Variants in THRB observed in about 807,000 individuals in gnomAD.
The protein encoded by THRB is nuclear receptor subfamily 1 group A member 2.
Under a neutral mutation model 47.8 loss-of-function variants are expected in THRB, and 12 were observed. That is an observed-to-expected ratio of 0.25 (90% CI 0.16 to 0.41). The LOEUF is 0.41. Ranked by LOEUF, THRB falls within the 10% of genes least tolerant of loss-of-function variation. The pLI is 1.00. For synonymous variants in THRB, 218 were observed against 212.2 expected, an observed-to-expected ratio of 1.03 and a Z score of -0.24; for missense variants, 348 against 589.2, an observed-to-expected ratio of 0.59 and a Z score of 4.24.
chr3:24,163,450 A>G (rs1559488886), intron 5 of THRB, among the ~76,000 whole-genome samples: 3 of 152,168 alleles, frequency 2.0e-5, no homozygotes, highest in Admixed American at 6.5e-5. Flanking sequence ...TGAAAAGATA[A>G]AAGAGAAAAG....
chr3:24,281,824 A>G (rs1261479882), intron 3 of THRB, among the ~76,000 whole-genome samples: 1 of 151,380 alleles, frequency 6.6e-6, no homozygotes, highest in African/African-American at 2.4e-5. Context: ...AACAAAGATC[A>G]AAAGAGACAA....
intron 1 of THRB, among the ~76,000 whole-genome samples, chr3:24,381,994 C>T (rs559765750): frequency 1.3e-5 from 2 of 150,786 alleles, no homozygotes; most frequent in African/African-American, 4.9e-5. Flanking sequence ...GGAAAGAATA[C>T]AAGGAAAGGA....
rs143110605 is a variant in THRB at position 24,192,635 on chromosome 3, G to C, written c.23-2301C>G. On this transcript the variant is annotated intron_variant, in intron 4 of 10. Transcript: ENST00000646209. Reference sequence around the variant, plus strand: ...GATGCTAACAGGGGCTCCACTCCAAGAGGACATTGCCCCTTAAAGTGCAGC... The same window carrying C: ...GATGCTAACAGGGGCTCCACTCCAACAGGACATTGCCCCTTAAAGTGCAGC... Among the ~76,000 whole-genome samples the C allele has an allele frequency of 5.0e-3, 763 of 152,258 alleles. 3 individuals carry two copies. The highest frequency in any genetic ancestry group is 0.011 in the Admixed American group (165 of 15,288).
chr3:24,481,257 T>TTTTTAGG (rs1696366030), intron 1 of THRB, among the ~76,000 whole-genome samples: 1 of 131,614 alleles, frequency 7.6e-6, no homozygotes, highest in Non-Finnish European at 1.6e-5. Flanking sequence ...TTTTTTTTTT[T>TTTTTAGG]ACGGAAAAAG....
chr3:24,334,774 G>A (rs983881276), intron 2 of THRB, among the ~76,000 whole-genome samples: 4 of 152,100 alleles, frequency 2.6e-5, no homozygotes, highest in Admixed American at 1.3e-4. Flanking sequence ...TAACTCTTAG[G>A]GTGAGTTCAG....
At chr3:24,125,765 C>G (rs1197837133) in intron 10 of THRB, among the ~76,000 whole-genome samples, 2 of 152,074 alleles carry the variant, frequency 1.3e-5, no homozygotes, top group African/African-American at 4.8e-5. Context: ...GTCCCTAGAG[C>G]AAGTCTGCCA....
At chr3:24,347,643 T>TA (rs199954065) in intron 1 of THRB, among the ~76,000 whole-genome samples, 4 of 150,216 alleles carry the variant, frequency 2.7e-5, no homozygotes, top group South Asian at 2.1e-4. Flanking sequence ...TTTTAAAGAA[T>TA]AAAAAAAAGA....
intron 1 of THRB, among the ~76,000 whole-genome samples, chr3:24,436,883 T>C (rs2071014850): frequency 6.6e-6 from 1 of 151,994 alleles, no homozygotes; most frequent in South Asian, 2.1e-4. Flanking sequence ...GCTGACAGAA[T>C]TAGGTGCAGA....
intron 1 of THRB, among the ~76,000 whole-genome samples, chr3:24,373,769 T>C (rs1218999093): frequency 6.6e-6 from 1 of 152,096 alleles, no homozygotes; most frequent in Non-Finnish European, 1.5e-5. Context: ...AATAGTCAGA[T>C]TGAAAACCTA....
At chr3:24,381,947 C>G (rs1180972751) in intron 1 of THRB, among the ~76,000 whole-genome samples, 3 of 151,098 alleles carry the variant, frequency 2.0e-5, no homozygotes, top group Admixed American at 2.0e-4. Flanking sequence ...AATGACATAG[C>G]AACTATGTAA....
In THRB at chr3:24,148,035, A is replaced by G. The variant is rs568923270; in HGVS notation, c.385-1213T>C. ...TTACTTGAATGTTTTAGATCAACAG[A>G]TTATAAACAGTCCTGCCCCAGCCAC... On this transcript the variant is annotated intron_variant, in intron 6 of 10. Coordinates refer to ENST00000646209, the MANE Select transcript of THRB (RefSeq NM_001354712.2). Among the ~76,000 whole-genome samples the G allele has an allele frequency of 3.3e-5, 5 of 152,336 alleles. No homozygotes were observed. The South Asian group carries it at 1.0e-3, about 32-fold the overall frequency.
chr3:24,433,870 G>A (rs936629867), intron 1 of THRB, among the ~76,000 whole-genome samples: 1 of 152,126 alleles, frequency 6.6e-6, no homozygotes, highest in African/African-American at 2.4e-5. Flanking sequence ...TGGGAGTAAG[G>A]AATTCACAGC....
At chr3:24,361,747 G>A (rs1293974207) in intron 1 of THRB, among the ~76,000 whole-genome samples, 1 of 152,102 alleles carries the variant, frequency 6.6e-6, no homozygotes, top group Non-Finnish European at 1.5e-5. Context: ...AAACAGTGAG[G>A]GTCTCTAATG....
At position 24,254,135 on chromosome 3, in the gene THRB, A is replaced by G. The variant is rs1005514891; in HGVS notation, c.-42-25134T>C. On this transcript the variant is annotated intron_variant, in intron 3 of 10. Transcript: ENST00000646209. ...TCCCAGCACTTTGGGAGGCCGAGAC[A>G]GGTGGATCACGAGGTCAGGAGATCG... 3.5e-5 allele frequency among the ~76,000 whole-genome samples: 5 copies of G among 144,072 alleles called. No homozygotes were observed. In the East Asian group the frequency reaches 8.5e-4, roughly 25 times the overall value. 94.5% of individuals were successfully genotyped at this position (144,072 alleles called of 152,430 possible).
At chr3:24,164,885 A>AC in intron 5 of THRB, 2 of 593,690 alleles carry the variant, frequency 3.4e-6, no homozygotes, top group Admixed American at 5.9e-5. Flanking sequence ...TCACCTAGCA[A>AC]CCCCTCTTAC....
At chr3:24,243,869 C>T (rs1385769773) in intron 3 of THRB, among the ~76,000 whole-genome samples, 2 of 150,356 alleles carry the variant, frequency 1.3e-5, no homozygotes, top group African/African-American at 2.5e-5. Flanking sequence ...ATGGAGAACA[C>T]CCTTGTTGGG....
intron 1 of THRB, 154 bp downstream of exon 1, chr3:24,494,498 A>C (rs1698724893): frequency 6.6e-6 from 1 of 150,472 alleles, no homozygotes; most frequent in African/African-American, 2.5e-5. Context: ...GCAGGTAATC[A>C]GGCTGATGAC....
chr3:24,169,796 C>A (rs1046722833), intron 5 of THRB, among the ~76,000 whole-genome samples: 3 of 151,476 alleles, frequency 2.0e-5, no homozygotes, highest in Non-Finnish European at 4.4e-5. Context: ...CAAACATGAC[C>A]CACCACCTGT....
At chr3:24,148,452 C>T (rs983343513) in intron 6 of THRB, among the ~76,000 whole-genome samples, 1 of 151,258 alleles carries the variant, frequency 6.6e-6, no homozygotes, top group African/African-American at 2.4e-5. Flanking sequence ...AGTAGAGATG[C>T]GTTTTTGCCA....
Sources: allele counts gnomAD v4.1 joint callset (sites outside exome capture counted in the v4.1 genomes callset), GRCh38; gene constraint gnomAD v4.1.1; transcripts MANE v1.5; gene names NCBI Gene and HGNC (gene_info 2026-07-23, HGNC 2026-07-21).